The following XKR4 variants were observed in gnomAD, a reference collection of about 807,000 sequenced individuals.
XKR4 encodes the protein XK related 4, also known as XK-related protein 4.
Under a neutral mutation model 53.9 loss-of-function variants are expected in XKR4, and 12 were observed. The ratio of observed to expected loss-of-function variants is 0.22; its 90% CI spans 0.14 to 0.36. XKR4 has a LOEUF of 0.36. XKR4 is among the 10% of genes least tolerant of loss of function. The pLI is 1.00. For synonymous variants in XKR4, 354 were observed against 362.4 expected (o/e 0.98, Z 0.26); for missense variants, 799 against 859.5 (o/e 0.93, Z 0.88).
At chr8:55,472,687 C>T (rs2939657) in intron 2 of XKR4, among the ~76,000 whole-genome samples, 115,665 of 151,944 alleles carry the variant, frequency 0.76, 44,783 homozygotes, top group African/African-American at 0.9. Flanking sequence ...ATTTGTAAGA[C>T]GAAACCTCGG....
Position 55,102,164 on chromosome 8 carries a change from C to T in XKR4, c.-325C>T, listed in dbSNP as rs1254504506. ...CTCCTGCTGCTGGCGGCGGCGGCGGCTCGGGCGGCAGCAGCGAAGCCGGGA... is the reference window on the plus strand; with the variant it reads ...CTCCTGCTGCTGGCGGCGGCGGCGGTTCGGGCGGCAGCAGCGAAGCCGGGA... On this transcript the variant is annotated 5_prime_UTR_variant, in exon 1 of 3. Transcript: ENST00000327381. The surrounding 1 kb of genome is among the most constrained non-coding windows in gnomAD (Gnocchi z 5.1). Among the ~76,000 whole-genome samples, 1 of 148,078 alleles carries T rather than the reference C, an allele frequency of 6.8e-6. No homozygotes were observed. Among genetic ancestry groups the T allele is most frequent in the Non-Finnish European group, 1.5e-5 (1 of 66,692 alleles).
chr8:55,452,381 C>T lies in XKR4; in HGVS notation c.1007-70900C>T, dbSNP rs1447698620. ...CTGTGAGCATCCCCGTGAAGATGAC[C>T]CGGTACGTAGTGAGGAAGAGGGCGC... On this transcript the variant is annotated intron_variant, in intron 2 of 2. Coordinates refer to ENST00000327381, the MANE Select transcript of XKR4 (RefSeq NM_052898.2). 3 of 630,840 alleles carry T rather than the reference C, an allele frequency of 4.8e-6. No homozygotes were observed. The Admixed American group carries it at 7.2e-5, about 15-fold the overall frequency. The allele number at this position is 630,840 out of a possible 1,614,324, so 39.1% of individuals were successfully genotyped here.
At chr8:55,241,403 AG>A (rs1390884737) in intron 1 of XKR4, among the ~76,000 whole-genome samples, 1 of 152,050 alleles carries the variant, frequency 6.6e-6, no homozygotes, top group Non-Finnish European at 1.5e-5. Flanking sequence ...AGTGAATAAG[AG>A]TTATTTTTTA....
At chr8:55,310,886 A>G (rs1223733001) in intron 1 of XKR4, among the ~76,000 whole-genome samples, 2 of 152,240 alleles carry the variant, frequency 1.3e-5, no homozygotes, top group Non-Finnish European at 2.9e-5. Flanking sequence ...GCAAAGACCC[A>G]CAGAGGGTGT....
intron 2 of XKR4, among the ~76,000 whole-genome samples, chr8:55,485,612 C>T (rs1483892218): frequency 6.6e-6 from 1 of 152,146 alleles, no homozygotes; most frequent in Non-Finnish European, 1.5e-5. Flanking sequence ...CTCCTTACCT[C>T]CTGCCCCCCT....
intron 1 of XKR4, among the ~76,000 whole-genome samples, chr8:55,225,401 C>A (rs999307217): frequency 6.6e-6 from 1 of 152,140 alleles, no homozygotes; most frequent in Non-Finnish European, 1.5e-5. Flanking sequence ...GTGTTCTTTG[C>A]CTATTAGCCA....
At chr8:55,130,988 C>T (rs1378601605) in intron 1 of XKR4, among the ~76,000 whole-genome samples, 4 of 151,976 alleles carry the variant, frequency 2.6e-5, no homozygotes, top group Admixed American at 2.0e-4. Context: ...GGAGAAACCC[C>T]ATCTCTACTA....
intron 1 of XKR4, among the ~76,000 whole-genome samples, chr8:55,208,035 G>C (rs1817675529): frequency 6.6e-6 from 1 of 152,098 alleles, no homozygotes. Context: ...GTCTAATGTG[G>C]GATGTTTTTT....
rs148458464 is a variant in XKR4 at position 55,119,298 on chromosome 8, C to T, written c.806+16004C>T. Among the ~76,000 whole-genome samples the T allele has an allele frequency of 4.0e-3, 609 of 152,054 alleles. 4 individuals carry two copies. Among genetic ancestry groups the T allele is most frequent in the Middle Eastern group, 0.014 (4 of 294 alleles). On this transcript the variant is annotated intron_variant, in intron 1 of 2. Transcript: ENST00000327381. ...GGAAGTCCCTCCCAGAAGAGACTCT[C>T]AGACTGGGAAGTCCCTCCCAGAAGA...
chr8:55,403,541 A>G (rs912544775), intron 2 of XKR4, among the ~76,000 whole-genome samples: 6 of 152,262 alleles, frequency 3.9e-5, no homozygotes, highest in African/African-American at 1.4e-4. Context: ...GCAGTCAGCC[A>G]TCACGTTATG....
chr8:55,329,417 T>A (rs1803350524), intron 1 of XKR4, among the ~76,000 whole-genome samples: 1 of 151,756 alleles, frequency 6.6e-6, no homozygotes, highest in African/African-American at 2.4e-5. Context: ...GTATCGTCAG[T>A]GTTAGTATAT....
At chr8:55,322,218 C>T (rs1803226444) in intron 1 of XKR4, among the ~76,000 whole-genome samples, 1 of 152,138 alleles carries the variant, frequency 6.6e-6, no homozygotes, top group Non-Finnish European at 1.5e-5. Flanking sequence ...ATTCACGTTG[C>T]AAGTAGTCTT....
At chr8:55,265,871 G>C (rs919836339) in intron 1 of XKR4, among the ~76,000 whole-genome samples, 2 of 151,858 alleles carry the variant, frequency 1.3e-5, no homozygotes, top group Non-Finnish European at 2.9e-5. Flanking sequence ...TGTAGTCCCA[G>C]CTACTTGGGA....
chr8:55,274,464 G>C (rs546927973), intron 1 of XKR4, among the ~76,000 whole-genome samples: 3 of 148,842 alleles, frequency 2.0e-5, no homozygotes, highest in Non-Finnish European at 1.5e-5. Flanking sequence ...ACTGAGTCTC[G>C]CTCTGTCACC....
At chr8:55,285,745 A>G (rs1052337505) in intron 1 of XKR4, among the ~76,000 whole-genome samples, 2 of 152,154 alleles carry the variant, frequency 1.3e-5, no homozygotes, top group Admixed American at 6.5e-5. Context: ...TTGGGGATGC[A>G]TGGAGATGGC....
intron 1 of XKR4, among the ~76,000 whole-genome samples, chr8:55,169,930 C>A (rs1423963757): frequency 1.3e-5 from 2 of 152,214 alleles, no homozygotes; most frequent in Admixed American, 6.5e-5. Flanking sequence ...AATTTGCTAA[C>A]ACTTCTTGAG....
At chr8:55,328,958 C>T (rs1443920708) in intron 1 of XKR4, among the ~76,000 whole-genome samples, 1 of 152,138 alleles carries the variant, frequency 6.6e-6, no homozygotes, top group South Asian at 2.1e-4. Flanking sequence ...GTCTCTCCTC[C>T]ACTACCTCGC....
At chr8:55,401,566 G>C (rs909735901) in intron 2 of XKR4, among the ~76,000 whole-genome samples, 4 of 152,214 alleles carry the variant, frequency 2.6e-5, no homozygotes, top group African/African-American at 9.6e-5. Context: ...CCTCCTTGGG[G>C]ATTAGCATGA....
chr8:55,255,824 G>A (rs1484076875), intron 1 of XKR4, among the ~76,000 whole-genome samples: 2 of 152,042 alleles, frequency 1.3e-5, no homozygotes, highest in African/African-American at 2.4e-5. Flanking sequence ...GAGCTGGTGC[G>A]ATACAAATGA....
Sources: allele counts gnomAD v4.1 joint callset (sites outside exome capture counted in the v4.1 genomes callset), GRCh38; gene constraint gnomAD v4.1.1; non-coding constraint Gnocchi (gnomAD v3.1); transcripts MANE v1.5; gene names NCBI Gene and HGNC (gene_info 2026-07-23, HGNC 2026-07-21).